Variants in RGS20 observed in about 807,000 individuals in gnomAD.
The protein encoded by RGS20 is gz-selective GTPase-activating protein.
A neutral mutation model predicts 33.6 loss-of-function variants in RGS20; 30 were observed. That is an observed-to-expected ratio of 0.89 (90% CI 0.67 to 1.21). RGS20 has a LOEUF of 1.21. Ranked by LOEUF, RGS20 falls within the 50% of genes most tolerant of loss-of-function variation. RGS20 has a pLI of 0.00. For synonymous variants in RGS20, 208 were observed against 197.9 expected (o/e 1.05, Z -0.43); for missense variants, 472 against 502.4 (o/e 0.94, Z 0.58).
chr8:53,879,380 G>T lies in RGS20; in HGVS notation c.288G>T (p.Glu96Asp). 1.2e-6 allele frequency: 2 copies of T among 1,611,338 alleles called. No individual in the cohort carries two copies. Among genetic ancestry groups the T allele is most frequent in the Non-Finnish European group, 1.7e-6 (2 of 1,179,820 alleles). The stretch of plus-strand genomic sequence containing the variant: ...ACCTTCTCCGGCGACCCCCTCCCGA[G>T]GCTCCCCGGAGGCGCCTGGACTTCT... Residue 96 changes from glutamate to aspartate, a missense_variant, in exon 2 of 6, where the codon GAG becomes GAT. Physicochemically the swap from Glu to Asp is conservative, Grantham distance 45. Around this residue, in one of 3 missense-constraint regions of RGS20, gnomAD observed 319 missense variants for 283.4 expected, o/e 1.13. Coordinates refer to ENST00000297313, the MANE Select transcript of RGS20 (RefSeq NM_170587.4).
At chr8:53,880,872 A>G in intron 2 of RGS20, 1 of 1,446,268 alleles carries the variant, frequency 6.9e-7, no homozygotes. Context: ...GGGAGGAGGC[A>G]GAGCAAGGGG....
intron 3 of RGS20, among the ~76,000 whole-genome samples, chr8:53,944,910 T>C (rs1814427945): frequency 6.6e-6 from 1 of 152,086 alleles, no homozygotes; most frequent in Admixed American, 6.6e-5. Flanking sequence ...AAAACCACAA[T>C]GAAATACCAC....
intron 3 of RGS20, 44 bp from the exon 3 acceptor site, chr8:53,946,621 G>T: frequency 2.1e-6 from 3 of 1,462,290 alleles, no homozygotes; most frequent in Non-Finnish European, 2.9e-6. Flanking sequence ...ATCTTTTCTT[G>T]GCAGGGACTG....
At chr8:53,898,240 C>T (rs1395542944) in intron 2 of RGS20, among the ~76,000 whole-genome samples, 3 of 152,120 alleles carry the variant, frequency 2.0e-5, no homozygotes, top group African/African-American at 7.2e-5. Flanking sequence ...GAGAATGTTC[C>T]AGGTGAGGAA....
chr8:53,954,918 C>T (rs1814822665), intron 5 of RGS20, among the ~76,000 whole-genome samples: 1 of 151,190 alleles, frequency 6.6e-6, no homozygotes, highest in Admixed American at 6.6e-5. Flanking sequence ...GATCTCTTGA[C>T]CTCGTGATCC....
intron 2 of RGS20, among the ~76,000 whole-genome samples, chr8:53,884,057 CTAT>C (rs1325691636): frequency 3.3e-5 from 5 of 152,004 alleles, no homozygotes; most frequent in African/African-American, 9.7e-5. Flanking sequence ...GCTGTTATTA[CTAT>C]TATTATATTG....
chr8:53,879,313 T>C lies in RGS20; in HGVS notation c.221T>C (p.Leu74Pro). 1 of 1,613,438 alleles carries C rather than the reference T, an allele frequency of 6.2e-7. No individual in the cohort carries two copies. Among genetic ancestry groups the C allele is most frequent in the East Asian group, 2.2e-5 (1 of 44,838 alleles). Residue 74 changes from leucine to proline, a missense_variant, in exon 2 of 6, where the codon CTC (leucine) becomes CCC (proline). This residue lies in a region of RGS20 where 319 missense variants were observed against 283.4 expected (regional missense o/e 1.13). Coordinates refer to ENST00000297313, the MANE Select transcript of RGS20 (RefSeq NM_170587.4). ...CCCGCCGCCCCGAAGCTGTTCGGCCTCCTTTCTAGCCCGCTTTCCAGCCTC... is the reference window on the plus strand; with the variant it reads ...CCCGCCGCCCCGAAGCTGTTCGGCCCCCTTTCTAGCCCGCTTTCCAGCCTC...
intron 3 of RGS20, among the ~76,000 whole-genome samples, chr8:53,942,309 T>C (rs932505216): frequency 2.0e-5 from 3 of 151,790 alleles, no homozygotes; most frequent in African/African-American, 7.3e-5. Context: ...AACACAAAAA[T>C]TAGCCAGGCA....
At chr8:53,876,332 T>C (rs974711637) in intron 1 of RGS20, 7 of 152,220 alleles carry the variant, frequency 4.6e-5, no homozygotes, top group African/African-American at 1.7e-4. Flanking sequence ...TTCGTCTGCA[T>C]AAAGGCACTC....
chr8:53,939,736 G>C lies in RGS20; in HGVS notation c.659+12G>C. 3.9e-6 allele frequency: 6 copies of C among 1,547,102 alleles called. No homozygotes were observed. Among genetic ancestry groups the C allele is most frequent in the Non-Finnish European group, 5.2e-6 (6 of 1,144,484 alleles). ...TGTAGCTGCTCGTGGTAAGGTTTGG[G>C]GCTTTTTAATGAATGTGCTCCTGAC... is the stretch of plus-strand genomic sequence containing the variant. On this transcript the variant is annotated intron_variant, in intron 3 of 5. Transcript: ENST00000297313.
intron 1 of RGS20, among the ~76,000 whole-genome samples, chr8:53,866,446 G>A (rs949691098): frequency 6.0e-5 from 9 of 151,078 alleles, no homozygotes; most frequent in Non-Finnish European, 1.2e-4. Flanking sequence ...GCACAATCTC[G>A]GCTCACTGCA....
chr8:53,951,472 C>T (rs1397879053), intron 4 of RGS20, among the ~76,000 whole-genome samples: 3 of 149,270 alleles, frequency 2.0e-5, no homozygotes, highest in Non-Finnish European at 4.5e-5. Context: ...CTGGGCAACA[C>T]AGTGATACCC....
chr8:53,889,426 T>C (rs1489109749), intron 2 of RGS20, among the ~76,000 whole-genome samples: 3,176 of 101,462 alleles, frequency 0.031, 497 homozygotes, highest in African/African-American at 0.14. Context: ...TTTTTTTTTT[T>C]TTTTTTTTTT....
intron 2 of RGS20, among the ~76,000 whole-genome samples, chr8:53,895,939 G>A (rs574856627): frequency 1.0e-3 from 156 of 150,364 alleles, no homozygotes; most frequent in African/African-American, 3.7e-3. Context: ...GAGCCACCAC[G>A]CCCAGCCAAG....
At chr8:53,905,900 A>G (rs1316618601) in intron 2 of RGS20, among the ~76,000 whole-genome samples, 1 of 152,180 alleles carries the variant, frequency 6.6e-6, no homozygotes, top group Non-Finnish European at 1.5e-5. Flanking sequence ...GAGCCCTTCA[A>G]ATGAGATTTG....
intron 5 of RGS20, among the ~76,000 whole-genome samples, chr8:53,954,708 G>A (rs1230868387): frequency 5.8e-5 from 8 of 138,912 alleles, no homozygotes; most frequent in African/African-American, 1.9e-4. Flanking sequence ...TTTTTTTTGA[G>A]ATGGAGTCTC....
At chr8:53,876,926 C>A (rs1473178021) in intron 1 of RGS20, among the ~76,000 whole-genome samples, 4 of 152,174 alleles carry the variant, frequency 2.6e-5, no homozygotes, top group African/African-American at 9.7e-5. Context: ...AGCACAGGAC[C>A]GAAGCAAAAT....
intron 2 of RGS20, chr8:53,880,278 G>A (rs1205738234): frequency 6.6e-6 from 1 of 152,624 alleles, no homozygotes; most frequent in Non-Finnish European, 1.5e-5. Context: ...GCGGGATCTG[G>A]AGTCAGGGGT....
intron 5 of RGS20, among the ~76,000 whole-genome samples, chr8:53,957,967 C>A (rs1366380265): frequency 6.6e-6 from 1 of 151,852 alleles, no homozygotes; most frequent in African/African-American, 2.4e-5. Flanking sequence ...CACGGAGAAA[C>A]CCCGTCTCTA....
Sources: gnomAD v4.1 joint callset for allele counts (sites outside exome capture counted in the v4.1 genomes callset) on GRCh38, gnomAD v4.1.1 for gene constraint, gnomAD v4.1.1 regional missense constraint, MANE v1.5 for transcripts, NCBI Gene and HGNC (gene_info 2026-07-23, HGNC 2026-07-21) for gene names.